Variants in CNNM1 observed in about 807,000 individuals in gnomAD.
CNNM1 encodes metal transporter CNNM1.
In CNNM1, 44 loss-of-function variants were observed where a neutral mutation model predicts 78.8. The ratio of observed to expected loss-of-function variants is 0.56; its 90% CI spans 0.44 to 0.72. The LOEUF (loss-of-function observed/expected upper bound fraction) is 0.72. Among genes scored for constraint, CNNM1 ranks in the 30% least tolerant of loss-of-function variants. The pLI, the probability that CNNM1 is intolerant of heterozygous loss-of-function variation, is 0.00. For synonymous variants in CNNM1, 584 were observed against 581.5 expected (o/e 1.00, Z -0.06); for missense variants, 1,101 against 1,292.2 (o/e 0.85, Z 2.27).
At chr10:99,347,287 G>T (rs897649155) in intron 1 of CNNM1, among the ~76,000 whole-genome samples, 1 of 152,018 alleles carries the variant, frequency 6.6e-6, no homozygotes, top group Admixed American at 6.5e-5. Context: ...TTGGGAGGCG[G>T]AGGCAGGTGG....
Position 99,340,876 on chromosome 10 carries a change from T to TCCTTCCTGCCTGCCTG in CNNM1, c.1573+9919_1573+9920insTCCTGCCTGCCTGCCT, listed in dbSNP as rs71009744. Reference sequence around the variant, plus strand: ...CTCCTTCCCCGCTTCCTTCCTTCCTTCCTGCCTGCCTGCCTGCCTGCCTGC... The same window carrying TCCTTCCTGCCTGCCTG: ...CTCCTTCCCCGCTTCCTTCCTTCCTTCCTTCCTGCCTGCCTGCCTGCCTGCCTGCCTGCCTGCCTGC... On this transcript the variant is annotated intron_variant, in intron 1 of 10. Transcript: ENST00000356713. Among the ~76,000 whole-genome samples, 330 of 138,232 alleles carry TCCTTCCTGCCTGCCTG rather than the reference T, an allele frequency of 2.4e-3. 3 individuals carry two copies. The highest frequency in any genetic ancestry group is 0.01 in the Middle Eastern group (3 of 286). The allele number at this position is 138,232 out of a possible 152,430, so 90.7% of individuals were successfully genotyped here.
chr10:99,387,277 G>C (rs1170201171), intron 7 of CNNM1, among the ~76,000 whole-genome samples: 2 of 152,166 alleles, frequency 1.3e-5, no homozygotes, highest in Non-Finnish European at 2.9e-5. Flanking sequence ...TGAGGAGACA[G>C]CTGGGAAACC....
chr10:99,340,491 A>G (rs1221552401), intron 1 of CNNM1, among the ~76,000 whole-genome samples: 1 of 152,158 alleles, frequency 6.6e-6, no homozygotes, highest in African/African-American at 2.4e-5. Context: ...TTAGCTACCA[A>G]ATACATTTGA....
intron 7 of CNNM1, among the ~76,000 whole-genome samples, chr10:99,379,528 G>A (rs539717013): frequency 2.3e-4 from 35 of 152,308 alleles, no homozygotes; most frequent in African/African-American, 8.4e-4. Context: ...CTGAGTGCCG[G>A]CCCATGGTGT....
chr10:99,332,116 T>C (rs954828130), intron 1 of CNNM1, among the ~76,000 whole-genome samples: 2 of 152,190 alleles, frequency 1.3e-5, no homozygotes, highest in Non-Finnish European at 2.9e-5. Flanking sequence ...GAACCCTTGA[T>C]TGTTTTTTAA....
intron 1 of CNNM1, among the ~76,000 whole-genome samples, chr10:99,347,659 C>G (rs2030756039): frequency 6.7e-6 from 1 of 149,076 alleles, no homozygotes; most frequent in Non-Finnish European, 1.5e-5. Context: ...CTTACAAAGG[C>G]CTTCCTGGCT....
chr10:99,371,832 C>T, intron 6 of CNNM1, among the ~76,000 whole-genome samples: 1 of 152,216 alleles, frequency 6.6e-6, no homozygotes, highest in East Asian at 1.9e-4. Flanking sequence ...AGTTGGTACT[C>T]TTACAGGTCT....
At chr10:99,362,167 G>A (rs2031455844) in intron 3 of CNNM1, 60 bp from the exon 4 acceptor site, 18 of 1,482,480 alleles carry the variant, frequency 1.2e-5, no homozygotes, top group Non-Finnish European at 1.5e-5. Context: ...AGCTGCCACT[G>A]CTGGAATGGG....
At chr10:99,384,124 C>T (rs2862607) in intron 7 of CNNM1, among the ~76,000 whole-genome samples, 136,403 of 152,084 alleles carry the variant, frequency 0.9, 61,352 homozygotes, top group African/African-American at 0.94. Context: ...GAATTACCGA[C>T]GGGACTCACG....
chr10:99,377,960 CTTTTTTTTTT>C (rs66722952), intron 7 of CNNM1, among the ~76,000 whole-genome samples: 1 of 89,646 alleles, frequency 1.1e-5, no homozygotes, highest in Non-Finnish European at 2.3e-5. Flanking sequence ...TCCATAGGTT[CTTTTTTTTTT>C]TTTTTTTTTT....
At chr10:99,385,163 T>C (rs962734591) in intron 7 of CNNM1, among the ~76,000 whole-genome samples, 4 of 152,034 alleles carry the variant, frequency 2.6e-5, no homozygotes, top group African/African-American at 9.7e-5. Flanking sequence ...TTTGCAACAG[T>C]AGTCATTCCC....
chr10:99,352,550 T>A (rs1262404282), intron 1 of CNNM1, among the ~76,000 whole-genome samples: 1 of 152,240 alleles, frequency 6.6e-6, no homozygotes, highest in Non-Finnish European at 1.5e-5. Flanking sequence ...GTCTTTTTTA[T>A]TATTGCCATC....
intron 5 of CNNM1, 101 bp from the exon 6 acceptor site, chr10:99,364,853 CA>C: frequency 9.1e-7 from 1 of 1,102,628 alleles, no homozygotes; most frequent in Non-Finnish European, 1.3e-6. Flanking sequence ...CTGGTTTTTA[CA>C]GGGTTAATTG....
At position 99,371,008 on chromosome 10, in the gene CNNM1, G is replaced by A. The variant is rs138620460; in HGVS notation, c.2176+6006G>A. Among the ~76,000 whole-genome samples the A allele has an allele frequency of 5.4e-3, 818 of 152,294 alleles. 5 individuals are homozygous for A. The highest frequency in any genetic ancestry group is 8.7e-3 in the Non-Finnish European group (592 of 68,018). ...TCAGTGTTGTATGTGTATTAGGTAG[G>A]CAGAGGGACAAGGACTGGAATCTAA... On this transcript the variant is annotated intron_variant, in intron 6 of 10. Transcript: ENST00000356713.
chr10:99,387,847 C>A lies in CNNM1; in HGVS notation c.2368C>A (p.Leu790Ile), dbSNP rs754147700. 33 of 1,609,424 alleles carry A rather than the reference C, an allele frequency of 2.1e-5. No homozygotes were observed. The South Asian group carries it at 3.7e-4, about 18-fold the overall frequency. ...KITRQQYQNA[L>I]TACHMDSSPQ... ...CACACGGCAGCAATATCAGAACGCA[C>A]TCACTGCCTGCCACATGGACAGCTC... Residue 790 changes from leucine (L) to isoleucine (I), a missense_variant, in exon 8 of 11, where the codon CTC (leucine) becomes ATC (isoleucine). This residue lies in a region of CNNM1 where 348 missense variants were observed against 384.5 expected (regional missense o/e 0.90). Transcript: ENST00000356713.
At position 99,364,400 on chromosome 10, in the gene CNNM1, C is replaced by T; in HGVS notation, c.2029-17C>T. The T allele has an allele frequency of 1.6e-6, 2 of 1,248,054 alleles. No homozygotes were observed. The highest frequency in any genetic ancestry group is 1.1e-6 in the Non-Finnish European group (1 of 893,954). The allele number at this position is 1,248,054 out of a possible 1,614,324, so 77.3% of individuals were successfully genotyped here. On this transcript the variant is annotated splice_polypyrimidine_tract_variant and intron_variant, in intron 4 of 10. Transcript: ENST00000356713. ...CTCATACACATTCATAGTACACTTCCTTTTTTTTTTTTCCAGGGTAAAGTG... is the reference window on the plus strand; with the variant it reads ...CTCATACACATTCATAGTACACTTCTTTTTTTTTTTTTCCAGGGTAAAGTG...
intron 1 of CNNM1, among the ~76,000 whole-genome samples, chr10:99,344,761 A>T (rs1011614057): frequency 2.0e-5 from 3 of 152,200 alleles, no homozygotes; most frequent in African/African-American, 7.2e-5. Flanking sequence ...TCAAAGCTCC[A>T]AGCAGTCTAC....
At chr10:99,335,699 G>C (rs975567660) in intron 1 of CNNM1, among the ~76,000 whole-genome samples, 3 of 152,130 alleles carry the variant, frequency 2.0e-5, no homozygotes, top group African/African-American at 7.2e-5. Context: ...ATTGTCGTCT[G>C]CACAGGCTGT....
At chr10:99,338,030 G>T (rs909347154) in intron 1 of CNNM1, among the ~76,000 whole-genome samples, 1 of 152,144 alleles carries the variant, frequency 6.6e-6, no homozygotes, top group Non-Finnish European at 1.5e-5. Context: ...AGAGTTAGGG[G>T]TATGAGATAA....
Sources: gnomAD v4.1 joint callset for allele counts (sites outside exome capture counted in the v4.1 genomes callset) on GRCh38, gnomAD v4.1.1 for gene constraint, gnomAD v4.1.1 regional missense constraint, MANE v1.5 for transcripts, NCBI Gene and HGNC (gene_info 2026-07-23, HGNC 2026-07-21) for gene names.